KLF12: variants seen among roughly 807,000 people sequenced by gnomAD.
The protein encoded by KLF12 is Krueppel-like factor 12.
KLF12 carries 9 observed loss-of-function variants against 37.8 expected under a neutral mutation model. That is an observed-to-expected ratio of 0.24 (90% CI 0.14 to 0.42). The LOEUF is 0.42. Among genes scored for constraint, KLF12 ranks in the 10% least tolerant of loss-of-function variants. KLF12 has a pLI of 1.00. For missense variants in KLF12, 411 were observed against 516.0 expected (o/e 0.80, Z 1.97); for synonymous variants, 208 against 202.1 (o/e 1.03, Z -0.25).
chr13:74,094,849 C>A (rs1047546658), intron 1 of KLF12, among the ~76,000 whole-genome samples: 1 of 152,216 alleles, frequency 6.6e-6, no homozygotes, highest in Non-Finnish European at 1.5e-5. Context: ...ATCCACCCAC[C>A]TCAGCCTCCC....
At chr13:74,267,656 T>C in the KLF12 span, among the ~76,000 whole-genome samples, 2 of 152,248 alleles carry the variant, frequency 1.3e-5, no homozygotes, top group African/African-American at 2.4e-5. Flanking sequence ...AAATAGGCTC[T>C]AGTGTTAGCA....
At chr13:74,001,053 G>A (rs893193742) in intron 1 of KLF12, among the ~76,000 whole-genome samples, 2 of 152,066 alleles carry the variant, frequency 1.3e-5, no homozygotes, top group Non-Finnish European at 2.9e-5. Flanking sequence ...TGTGCCATTT[G>A]GACATGCACG....
At chr13:74,114,548 C>A (rs2138944880) in intron 1 of KLF12, among the ~76,000 whole-genome samples, 1 of 152,244 alleles carries the variant, frequency 6.6e-6, no homozygotes, top group Middle Eastern at 3.4e-3. Flanking sequence ...TCATACTACA[C>A]TCTAAGCTGC....
the KLF12 span, among the ~76,000 whole-genome samples, chr13:74,142,334 G>C: frequency 2.0e-5 from 3 of 152,208 alleles, no homozygotes; most frequent in Non-Finnish European, 4.4e-5. Context: ...TATAAGCTGC[G>C]TTTGCATTTC....
chr13:73,704,160 C>T (rs1189462989), intron 7 of KLF12, among the ~76,000 whole-genome samples: 3 of 152,074 alleles, frequency 2.0e-5, no homozygotes, highest in African/African-American at 4.8e-5. Flanking sequence ...TAACTTCTCG[C>T]GTGGCAGGTG....
At chr13:73,735,916 T>C (rs1279680336) in intron 6 of KLF12, among the ~76,000 whole-genome samples, 1 of 151,946 alleles carries the variant, frequency 6.6e-6, no homozygotes, top group East Asian at 1.9e-4. Context: ...ACCAAGTACT[T>C]GTCTTTGCCC....
At chr13:73,868,212 T>C (rs1443536321) in intron 3 of KLF12, among the ~76,000 whole-genome samples, 2 of 143,250 alleles carry the variant, frequency 1.4e-5, no homozygotes, top group Admixed American at 7.3e-5. Flanking sequence ...CTCGGGAGGC[T>C]GAGGCAGGAG....
chr13:73,857,664 C>A (rs200645941), intron 3 of KLF12, among the ~76,000 whole-genome samples: 1 of 152,230 alleles, frequency 6.6e-6, no homozygotes, highest in East Asian at 1.9e-4. Flanking sequence ...GGATGCGTAA[C>A]TTTGTCTTAT....
At chr13:74,039,832 T>C (rs1203627721) in intron 1 of KLF12, among the ~76,000 whole-genome samples, 2 of 152,236 alleles carry the variant, frequency 1.3e-5, no homozygotes, top group Non-Finnish European at 2.9e-5. Context: ...CTGACTCCAC[T>C]AAACTGTTGT....
At chr13:74,121,653 C>G (rs1877641724) in intron 1 of KLF12, among the ~76,000 whole-genome samples, 1 of 151,786 alleles carries the variant, frequency 6.6e-6, no homozygotes, top group Non-Finnish European at 1.5e-5. Context: ...TTAATTATCC[C>G]AAGAATATAT....
chr13:74,213,878 A>G, the KLF12 span, among the ~76,000 whole-genome samples: 1 of 152,058 alleles, frequency 6.6e-6, no homozygotes, highest in African/African-American at 2.4e-5. Context: ...TTTAACTGTC[A>G]ATTTTAATTA....
the KLF12 span, among the ~76,000 whole-genome samples, chr13:74,212,864 T>C: frequency 6.6e-6 from 1 of 152,130 alleles, no homozygotes; most frequent in Non-Finnish European, 1.5e-5. Context: ...AAATTCTTTT[T>C]TTTCAGTTAC....
At chr13:73,721,804 C>T (rs1349228656) in intron 6 of KLF12, among the ~76,000 whole-genome samples, 3 of 87,890 alleles carry the variant, frequency 3.4e-5, no homozygotes, top group Admixed American at 2.3e-4. Flanking sequence ...CCTCCCACTT[C>T]GGCGTCCCAG....
At chr13:73,714,382 TTACA>T (rs2137673068) in intron 7 of KLF12, among the ~76,000 whole-genome samples, 1 of 152,310 alleles carries the variant, frequency 6.6e-6, no homozygotes, top group South Asian at 2.1e-4. Context: ...GGGAGGCAGT[TTACA>T]GAGTACAGTT....
rs1206859122 is a variant in KLF12, at chr13:73,857,174, T to C, written c.124-10801A>G. ...AAAGACAGTCTTTATGTTTGAAAGA[T>C]TACATATATAGCAACCATTTCAATT... On this transcript the variant is annotated intron_variant, in intron 3 of 7. Transcript: ENST00000377669. Among the ~76,000 whole-genome samples, 5 of 152,266 alleles carry C rather than the reference T, an allele frequency of 3.3e-5. No homozygotes were observed. In the South Asian group the frequency reaches 8.3e-4, roughly 25 times the overall value.
intron 3 of KLF12, among the ~76,000 whole-genome samples, chr13:73,880,026 G>A (rs1036211882): frequency 1.8e-4 from 27 of 152,100 alleles, no homozygotes; most frequent in African/African-American, 6.3e-4. Flanking sequence ...CATGCTAGCC[G>A]TTCTGCCTGG....
At chr13:74,183,372 G>A in the KLF12 span, among the ~76,000 whole-genome samples, 2 of 152,222 alleles carry the variant, frequency 1.3e-5, no homozygotes, top group South Asian at 4.1e-4. Flanking sequence ...TTAATCTTCA[G>A]TGGTGCCCTC....
chr13:74,219,400 A>G, the KLF12 span, among the ~76,000 whole-genome samples: 5 of 152,216 alleles, frequency 3.3e-5, no homozygotes, highest in African/African-American at 4.8e-5. Context: ...TCCTCTTAAT[A>G]CAAACTATGA....
chr13:74,007,311 T>C (rs1460031578), intron 1 of KLF12, among the ~76,000 whole-genome samples: 1 of 152,008 alleles, frequency 6.6e-6, no homozygotes, highest in African/African-American at 2.4e-5. Flanking sequence ...GGAGTCTCGC[T>C]GCCTCCCAGG....
Sources: gnomAD v4.1 joint callset for allele counts (sites outside exome capture counted in the v4.1 genomes callset) on GRCh38, gnomAD v4.1.1 for gene constraint, MANE v1.5 for transcripts, NCBI Gene and HGNC (gene_info 2026-07-23, HGNC 2026-07-21) for gene names.